CELA2B: variants seen among roughly 807,000 people sequenced by gnomAD.
The protein encoded by CELA2B is chymotrypsin like elastase 2B, also known as chymotrypsin-like elastase family member 2B.
In CELA2B, 27 loss-of-function variants were observed where a neutral mutation model predicts 36.5. The observed-to-expected ratio is 0.74, with a 90% CI of 0.55 to 1.02. CELA2B has a LOEUF of 1.02. CELA2B is among the 50% of genes least tolerant of loss of function. The probability of loss-of-function intolerance (pLI) is 0.00; values close to 1 mark genes in which losing one functional copy is unlikely to be tolerated. For missense variants in CELA2B, 340 were observed against 347.8 expected, an observed-to-expected ratio of 0.98 and a Z score of 0.18; for synonymous variants, 143 against 148.5, an observed-to-expected ratio of 0.96 and a Z score of 0.27.
chr1:15,483,196 C>T (rs1367168881), intron 4 of CELA2B, 68 bp from the exon 5 acceptor site: 9 of 1,599,374 alleles, frequency 5.6e-6, no homozygotes, highest in Non-Finnish European at 7.7e-6. Flanking sequence ...GGTCTCCAAG[C>T]CCTCCAAAGC....
chr1:15,477,182 T>C (rs1402120946), intron 2 of CELA2B, among the ~76,000 whole-genome samples: 1 of 152,216 alleles, frequency 6.6e-6, no homozygotes, highest in Non-Finnish European at 1.5e-5. Context: ...AGACTACCTA[T>C]GCAAATATTC....
chr1:15,476,693 A>C (rs1708676331), intron 2 of CELA2B, 148 bp downstream of exon 2: 1 of 779,294 alleles, frequency 1.3e-6, no homozygotes, highest in South Asian at 1.7e-5. Context: ...CCAACAAGAT[A>C]CATTTCCAGC....
At position 15,485,926 on chromosome 1, in the gene CELA2B, G is replaced by A; in HGVS notation, c.519G>A (p.Leu173=). The A allele has an allele frequency of 6.2e-7, 1 of 1,614,218 alleles. No individual in the cohort carries two copies. The highest frequency in any genetic ancestry group is 8.5e-7 in the Non-Finnish European group (1 of 1,180,040). The stretch of plus-strand genomic sequence containing the variant: ...CCAACGGGGCTCTCCCTGATGACCT[G>A]AAGCAGGGCCAGTTGCTGGTTGTGG... The part of the protein sequence containing the change: ...LQTNGALPDD[L]KQGQLLVVDY... The change falls in exon 6 of 8, where the codon CTG becomes CTA. Residue 173 remains leucine, a synonymous_variant. Coordinates refer to ENST00000375910, the MANE Select transcript of CELA2B (RefSeq NM_015849.3).
intron 2 of CELA2B, among the ~76,000 whole-genome samples, chr1:15,477,607 A>G (rs1393970846): frequency 1.3e-5 from 2 of 152,228 alleles, no homozygotes; most frequent in East Asian, 3.8e-4. Flanking sequence ...AAAGCAGAGC[A>G]ATAACTTTGA....
intron 7 of CELA2B, among the ~76,000 whole-genome samples, chr1:15,490,149 C>CA (rs1161223855): frequency 6.6e-6 from 1 of 152,190 alleles, no homozygotes; most frequent in Non-Finnish European, 1.5e-5. Flanking sequence ...GCTGGGATTA[C>CA]AAGCGTGAGC....
chr1:15,480,560 T>C, intron 2 of CELA2B, among the ~76,000 whole-genome samples: 1 of 152,112 alleles, frequency 6.6e-6, no homozygotes, highest in East Asian at 1.9e-4. Flanking sequence ...CACATCCTTC[T>C]TCACACGGTG....
chr1:15,487,384 T>G lies in CELA2B; in HGVS notation c.739T>G (p.Tyr247Asp). The G allele has an allele frequency of 6.2e-7, 1 of 1,614,214 alleles. No individual in the cohort carries two copies. The highest frequency in any genetic ancestry group is 1.3e-5 in the African/African-American group (1 of 75,044). The part of the protein sequence containing the change: ...LTSVLGCNYY[Y>D]KPSIFTRVSN... ...GTCGGTCCTTGGTTGCAACTACTAC[T>G]ACAAGCCCTCCATCTTCACGCGGGT... Residue 247 changes from tyrosine (Y) to aspartate (D), a missense_variant, in exon 7 of 8, where the codon TAC becomes GAC. Coordinates refer to ENST00000375910, the MANE Select transcript of CELA2B (RefSeq NM_015849.3).
At chr1:15,483,553 T>C (rs1708769111) in intron 5 of CELA2B, among the ~76,000 whole-genome samples, 153 bp downstream of exon 5, 2 of 152,204 alleles carry the variant, frequency 1.3e-5, no homozygotes, top group African/African-American at 4.8e-5. Context: ...TGGGTTCAAA[T>C]GTCAGCTCTC....
chr1:15,486,172 T>A, intron 6 of CELA2B, 126 bp downstream of exon 6: 1 of 1,216,444 alleles, frequency 8.2e-7, no homozygotes. Flanking sequence ...CCGGAAATGG[T>A]ACCAGATATA....
chr1:15,478,405 G>A (rs1309190724), intron 2 of CELA2B, among the ~76,000 whole-genome samples: 3 of 151,462 alleles, frequency 2.0e-5, no homozygotes, highest in Admixed American at 1.3e-4. Context: ...CACCATGCCC[G>A]GCTAATTTTG....
At chr1:15,489,904 C>T (rs1329150059) in intron 7 of CELA2B, among the ~76,000 whole-genome samples, 2 of 151,988 alleles carry the variant, frequency 1.3e-5, no homozygotes, top group Non-Finnish European at 2.9e-5. Context: ...AATGGAGTCT[C>T]GCTCTGTTGC....
chr1:15,490,589 T>C (rs1201669655), intron 7 of CELA2B, among the ~76,000 whole-genome samples: 1 of 152,124 alleles, frequency 6.6e-6, no homozygotes, highest in Non-Finnish European at 1.5e-5. Context: ...TTTAACAGGC[T>C]GGGCGCGGTG....
chr1:15,476,951 C>T (rs1298325060), intron 2 of CELA2B, among the ~76,000 whole-genome samples: 2 of 152,062 alleles, frequency 1.3e-5, no homozygotes, highest in Admixed American at 6.6e-5. Context: ...CACTACACTC[C>T]GGCCTGAATA....
chr1:15,487,327 C>T lies in CELA2B; in HGVS notation c.682C>T (p.Arg228Trp), dbSNP rs145701728. ...GPLNCQASDGRWEVHGIGSLT... is the reference protein window; with the variant it reads ...GPLNCQASDGWWEVHGIGSLT... Reference sequence around the variant, plus strand: ...GCTGAACTGTCAGGCATCTGACGGCCGGTGGGAGGTGCATGGCATCGGCAG... The same window carrying T: ...GCTGAACTGTCAGGCATCTGACGGCTGGTGGGAGGTGCATGGCATCGGCAG... Residue 228 changes from arginine to tryptophan, a missense_variant, in exon 7 of 8, where the codon CGG (arginine) becomes TGG (tryptophan). Transcript: ENST00000375910. 21 of 1,614,096 alleles carry T rather than the reference C, an allele frequency of 1.3e-5. No homozygotes were observed. The highest frequency in any genetic ancestry group is 1.1e-4 in the East Asian group (5 of 44,898).
intron 6 of CELA2B, 81 bp from the exon 7 acceptor site, chr1:15,487,204 T>C (rs1320905735): frequency 1.2e-5 from 16 of 1,331,296 alleles, no homozygotes; most frequent in East Asian, 2.3e-5. Context: ...AGCAGAACAA[T>C]AGAAATGCAT....
intron 7 of CELA2B, chr1:15,490,865 C>CAAAAAA: frequency 8.4e-6 from 1 of 119,396 alleles, no homozygotes; most frequent in Non-Finnish European, 1.7e-5. Context: ...AAGACTGTCT[C>CAAAAAA]AAAAAAAAAA....
chr1:15,491,056 A>G (rs1708883004), intron 7 of CELA2B: 2 of 550,156 alleles, frequency 3.6e-6, no homozygotes, highest in African/African-American at 3.8e-5. Context: ...CCTGAAGCCC[A>G]CACAGGACTC....
chr1:15,477,904 C>T lies in CELA2B; in HGVS notation c.129+1359C>T, dbSNP rs1399474286. On this transcript the variant is annotated intron_variant, in intron 2 of 7. Transcript: ENST00000375910. ...GAGTTTCTAATTTAAGTAGAAGGAGCAACTAGCAGCCCACTAGCCTTGAGC... is the reference window on the plus strand; with the variant it reads ...GAGTTTCTAATTTAAGTAGAAGGAGTAACTAGCAGCCCACTAGCCTTGAGC... Among the ~76,000 whole-genome samples, 3 of 152,318 alleles carry T rather than the reference C, an allele frequency of 2.0e-5. No homozygotes were observed. In the East Asian group the frequency reaches 5.8e-4, roughly 29 times the overall value.
intron 2 of CELA2B, among the ~76,000 whole-genome samples, chr1:15,477,854 G>C (rs1180021240): frequency 1.3e-5 from 2 of 152,160 alleles, no homozygotes; most frequent in Non-Finnish European, 2.9e-5. Context: ...AACTGCTTTA[G>C]GAGCAAACCC....
Sources: gnomAD v4.1 joint callset for allele counts (sites outside exome capture counted in the v4.1 genomes callset) on GRCh38, gnomAD v4.1.1 for gene constraint, MANE v1.5 for transcripts, NCBI Gene and HGNC (gene_info 2026-07-23, HGNC 2026-07-21) for gene names.